The following DMXL1 variants were observed in gnomAD, a reference collection of about 807,000 sequenced individuals.
DMXL1 encodes the protein dmX-like protein 1.
A neutral mutation model predicts 319.2 loss-of-function variants in DMXL1; 99 were observed. The ratio of observed to expected loss-of-function variants is 0.31; its 90% CI spans 0.26 to 0.37. DMXL1 has a LOEUF of 0.37. Among genes scored for constraint, DMXL1 ranks in the 10% least tolerant of loss-of-function variants. The probability of loss-of-function intolerance (pLI) is 1.00; values close to 1 mark genes in which losing one functional copy is unlikely to be tolerated. For missense variants in DMXL1, 3,745 were observed against 3,595.6 expected, an observed-to-expected ratio of 1.04 and a Z score of -1.06; for synonymous variants, 1,385 against 1,235.2, an observed-to-expected ratio of 1.12 and a Z score of -2.54.
At chr5:119,220,784 A>G (rs1348459103) in intron 36 of DMXL1, among the ~76,000 whole-genome samples, 156 bp from the exon 37 acceptor site, 3 of 152,214 alleles carry the variant, frequency 2.0e-5, no homozygotes, top group African/African-American at 7.2e-5. Context: ...AGGGAACAGA[A>G]ATTGTTGAGG....
chr5:119,107,955 A>G (rs1475880848), intron 4 of DMXL1, among the ~76,000 whole-genome samples: 5 of 152,350 alleles, frequency 3.3e-5, no homozygotes, highest in African/African-American at 1.2e-4. Flanking sequence ...ATTGAAGTTC[A>G]GAAATTACCC....
At position 119,114,372 on chromosome 5, in the gene DMXL1, T is replaced by A. The variant is rs560504248; in HGVS notation, c.498-103T>A. ...AGATGTGGGTGTGAAACTTATAACA[T>A]TTTCTGTCTTTTGAACCAATTGCTG... On this transcript the variant is annotated intron_variant, in intron 5 of 43. Transcript: ENST00000539542. 1.9e-4 allele frequency: 154 copies of A among 795,582 alleles called. 4 individuals carry two copies. The South Asian group carries it at 2.5e-3, about 13-fold the overall frequency. The allele number at this position is 795,582 out of a possible 1,614,324, so 49.3% of individuals were successfully genotyped here.
At chr5:119,150,808 G>A (rs1181000984) in intron 18 of DMXL1, among the ~76,000 whole-genome samples, 1 of 151,402 alleles carries the variant, frequency 6.6e-6, no homozygotes, top group Non-Finnish European at 1.5e-5. Context: ...AAAATACCAT[G>A]AAGGTTTTTT....
At chr5:119,206,801 T>A in intron 33 of DMXL1, 33 bp from the exon 34 acceptor site, 2 of 1,376,772 alleles carry the variant, frequency 1.5e-6, no homozygotes, top group Non-Finnish European at 2.0e-6. Context: ...TCATCTTTAC[T>A]CTTTGTCATG....
At chr5:119,210,518 A>G (rs900824385) in intron 34 of DMXL1, among the ~76,000 whole-genome samples, 2 of 152,170 alleles carry the variant, frequency 1.3e-5, no homozygotes, top group African/African-American at 2.4e-5. Flanking sequence ...CAATTGTTAC[A>G]GCATTATTTC....
chr5:119,203,449 T>TA lies in DMXL1; in HGVS notation c.7863+17dup. 1 of 1,445,356 alleles carries TA rather than the reference T, an allele frequency of 6.9e-7. No individual in the cohort carries two copies. The highest frequency in any genetic ancestry group is 9.5e-7 in the Non-Finnish European group (1 of 1,051,864). The allele number at this position is 1,445,356 out of a possible 1,614,324, so 89.5% of individuals were successfully genotyped here. A position where few individuals can be genotyped will look rare whatever the true frequency, so the allele number is the denominator to read the frequency against. On this transcript the variant is annotated intron_variant, in intron 33 of 43. Transcript: ENST00000539542. Reference sequence around the variant, plus strand: ...GTGTCTAAATGAGGTCTGTATAAGTTAAAACCTGTTTACTATTTTATTATT... The same window carrying TA: ...GTGTCTAAATGAGGTCTGTATAAGTTAAAAACCTGTTTACTATTTTATTATT...
intron 20 of DMXL1, 71 bp from the exon 21 acceptor site, chr5:119,165,112 C>T: frequency 1.1e-6 from 1 of 900,726 alleles, no homozygotes; most frequent in Non-Finnish European, 1.8e-6. Flanking sequence ...ATGTGCCAGC[C>T]TTTCATATGA....
At chr5:119,219,611 G>T (rs1270172317) in intron 35 of DMXL1, among the ~76,000 whole-genome samples, 1 of 151,550 alleles carries the variant, frequency 6.6e-6, no homozygotes, top group Non-Finnish European at 1.5e-5. Flanking sequence ...TATCATGCCT[G>T]GTGCCCAGTG....
At chr5:119,232,280 C>G (rs908762756) in intron 38 of DMXL1, among the ~76,000 whole-genome samples, 4 of 152,146 alleles carry the variant, frequency 2.6e-5, no homozygotes, top group African/African-American at 9.7e-5. Flanking sequence ...TACCTAGTCT[C>G]AAAAAACTCT....
At position 119,150,311 on chromosome 5, in the gene DMXL1, A is replaced by C. The variant is rs1202009519; in HGVS notation, c.4484A>C (p.His1495Pro). 6.2e-7 allele frequency: 1 copy of C among 1,613,816 alleles called. No individual in the cohort carries two copies. Among genetic ancestry groups the C allele is most frequent in the Non-Finnish European group, 8.5e-7 (1 of 1,179,854 alleles). ...HAQVLSGHLL[H>P]SSLPGLSRME... ...CAGGTTCTTTCTGGCCACTTACTTC[A>C]TTCTAGTTTACCAGGACTCAGCCGG... The change falls in exon 18 of 44, where the codon CAT (histidine) becomes CCT (proline). Residue 1495 changes from histidine (H) to proline (P), a missense_variant. By Grantham distance (77) the His-to-Pro change is moderately conservative. This residue lies in a region of DMXL1 where 2,096 missense variants were observed against 1,985.4 expected (regional missense o/e 1.06). Coordinates refer to ENST00000539542, the MANE Select transcript of DMXL1 (RefSeq NM_001290321.3).
At chr5:119,173,778 A>G (rs867953322) in intron 25 of DMXL1, among the ~76,000 whole-genome samples, 1,876 of 92,492 alleles carry the variant, frequency 0.02, 137 homozygotes, top group Non-Finnish European at 0.026. Context: ...GTGTGTGTGT[A>G]TATATATATA....
intron 10 of DMXL1, among the ~76,000 whole-genome samples, chr5:119,132,463 G>A (rs1207849439): frequency 2.6e-5 from 4 of 152,060 alleles, no homozygotes; most frequent in African/African-American, 7.2e-5. Context: ...GGTGGATCAC[G>A]AGGTCAGGAG....
chr5:119,133,068 A>G, intron 10 of DMXL1, 64 bp from the exon 11 acceptor site: 1 of 1,560,218 alleles, frequency 6.4e-7, no homozygotes, highest in South Asian at 1.2e-5. Flanking sequence ...GAAGCTCGGT[A>G]ATTCTTAATT....
rs745847795 is a variant in DMXL1 at position 119,101,918 on chromosome 5, T to G, written c.214-17T>G. 3 of 1,554,750 alleles carry G rather than the reference T, an allele frequency of 1.9e-6. No individual in the cohort carries two copies. Among genetic ancestry groups the G allele is most frequent in the South Asian group, 2.4e-5 (2 of 83,756 alleles). On this transcript the variant is annotated splice_polypyrimidine_tract_variant and intron_variant, in intron 2 of 43. Transcript: ENST00000539542. Reference sequence around the variant, plus strand: ...AGTTAACATATCCCTAATAAATTCTTTTTTTCTTTTTAAAAGATTGCAGCG... The same window carrying G: ...AGTTAACATATCCCTAATAAATTCTGTTTTTCTTTTTAAAAGATTGCAGCG...
chr5:119,136,082 C>T (rs892663974), intron 13 of DMXL1, among the ~76,000 whole-genome samples: 8 of 152,198 alleles, frequency 5.3e-5, no homozygotes, highest in Admixed American at 2.6e-4. Flanking sequence ...ACAATGAAGT[C>T]CCGGCTGAGG....
intron 30 of DMXL1, among the ~76,000 whole-genome samples, chr5:119,196,106 C>A (rs908616753): frequency 4.6e-5 from 7 of 152,256 alleles, no homozygotes; most frequent in African/African-American, 1.7e-4. Flanking sequence ...CTTCTTCATT[C>A]TTCCTTATGG....
Position 119,129,385 on chromosome 5 carries a change from T to C in DMXL1, c.1277T>C (p.Val426Ala), listed in dbSNP as rs1300555210. Residue 426 changes from valine to alanine, a missense_variant, in exon 10 of 44, where the codon GTA (valine) becomes GCA (alanine). Physicochemically the swap from Val to Ala is moderately conservative, Grantham distance 64. This residue lies in a region of DMXL1 where 2,096 missense variants were observed against 1,985.4 expected (regional missense o/e 1.06). Transcript: ENST00000539542. ...GAACAACCATCTTCTGAGGCCAGTGTAGAAGATTCTAATCAGGCAGATGTA... is the reference window on the plus strand; with the variant it reads ...GAACAACCATCTTCTGAGGCCAGTGCAGAAGATTCTAATCAGGCAGATGTA... ...SFEQPSSEASVEDSNQADVKS... is the reference protein window; with the variant it reads ...SFEQPSSEASAEDSNQADVKS... 1 of 1,612,734 alleles carries C rather than the reference T, an allele frequency of 6.2e-7. No individual in the cohort carries two copies. Among genetic ancestry groups the C allele is most frequent in the Non-Finnish European group, 8.5e-7 (1 of 1,179,666 alleles).
intron 10 of DMXL1, among the ~76,000 whole-genome samples, chr5:119,132,341 T>C (rs1381817020): frequency 1.3e-5 from 2 of 152,176 alleles, no homozygotes; most frequent in Non-Finnish European, 2.9e-5. Context: ...GATTTTGTGT[T>C]GTTATAATGA....
intron 13 of DMXL1, among the ~76,000 whole-genome samples, chr5:119,136,472 C>A (rs968570671): frequency 2.0e-5 from 3 of 152,230 alleles, no homozygotes; most frequent in Non-Finnish European, 4.4e-5. Context: ...GCATAAGTAA[C>A]CAGGAGCTGA....
Sources: gnomAD v4.1 joint callset for allele counts (sites outside exome capture counted in the v4.1 genomes callset) on GRCh38, gnomAD v4.1.1 for gene constraint, gnomAD v4.1.1 regional missense constraint, MANE v1.5 for transcripts, NCBI Gene and HGNC (gene_info 2026-07-23, HGNC 2026-07-21) for gene names.